The following PTPRQ variants were observed in gnomAD, a reference collection of about 807,000 sequenced individuals.
PTPRQ encodes protein tyrosine phosphatase receptor type Q.
Under a neutral mutation model 246.0 loss-of-function variants are expected in PTPRQ, and 199 were observed. That is an observed-to-expected ratio of 0.81 (90% CI 0.72 to 0.91). The LOEUF (loss-of-function observed/expected upper bound fraction) is 0.91, where lower values mean the gene tolerates loss of function less well. Ranked by LOEUF, PTPRQ falls within the 40% of genes least tolerant of loss-of-function variation. The probability of loss-of-function intolerance (pLI) is 0.00; values close to 1 mark genes in which losing one functional copy is unlikely to be tolerated. For synonymous variants in PTPRQ, 869 were observed against 853.2 expected (o/e 1.02, Z -0.32); for missense variants, 2,624 against 2,528.4 (o/e 1.04, Z -0.81).
At chr12:80,525,326 A>C (rs1297856364) in intron 17 of PTPRQ, among the ~76,000 whole-genome samples, 1 of 152,200 alleles carries the variant, frequency 6.6e-6, no homozygotes, top group Non-Finnish European at 1.5e-5. Context: ...AAAAATGGGA[A>C]TATATTGATA....
chr12:80,521,282 A>C (rs558442407), intron 17 of PTPRQ, among the ~76,000 whole-genome samples: 6 of 151,176 alleles, frequency 4.0e-5, no homozygotes, highest in African/African-American at 1.5e-4. Context: ...AGATGAGTAG[A>C]TTGCAAAAAT....
intron 35 of PTPRQ, among the ~76,000 whole-genome samples, chr12:80,641,026 A>C (rs937566402): frequency 6.6e-6 from 1 of 152,200 alleles, no homozygotes. Flanking sequence ...CATTTTTGCA[A>C]CTGTAGATGG....
At chr12:80,457,539 A>G in intron 3 of PTPRQ, 36 bp from the exon 4 acceptor site, 2 of 400,144 alleles carry the variant, frequency 5.0e-6, no homozygotes. Flanking sequence ...TTCAGGGAGT[A>G]AAATGTTTGA....
chr12:80,657,852 ACTT>A, intron 38 of PTPRQ, 130 bp from the exon 39 acceptor site: 1 of 545,884 alleles, frequency 1.8e-6, no homozygotes, highest in African/African-American at 2.0e-5. Flanking sequence ...AGAAGAAATA[ACTT>A]TTTAAAATTT....
intron 17 of PTPRQ, among the ~76,000 whole-genome samples, chr12:80,513,517 C>A (rs1895186348): frequency 6.6e-6 from 1 of 152,104 alleles, no homozygotes; most frequent in Non-Finnish European, 1.5e-5. Context: ...TTTATAGGCA[C>A]AGGATGGGGG....
intron 35 of PTPRQ, among the ~76,000 whole-genome samples, chr12:80,638,976 C>T (rs1899757990): frequency 6.6e-6 from 1 of 152,168 alleles, no homozygotes; most frequent in South Asian, 2.1e-4. Flanking sequence ...ATCTAATAAA[C>T]ATACAGAACA....
intron 42 of PTPRQ, among the ~76,000 whole-genome samples, chr12:80,671,162 T>A (rs1336724064): frequency 6.6e-6 from 1 of 152,088 alleles, no homozygotes; most frequent in Non-Finnish European, 1.5e-5. Context: ...CATAAATTTC[T>A]GGATTTTTAA....
At chr12:80,489,187 T>C (rs1287373820) in intron 9 of PTPRQ, among the ~76,000 whole-genome samples, 4 of 152,048 alleles carry the variant, frequency 2.6e-5, no homozygotes, top group Non-Finnish European at 4.4e-5. Flanking sequence ...TGAACTGAAA[T>C]ACCTGTCTTT....
In PTPRQ at chr12:80,642,877, G is replaced by A. The variant is rs900221325; in HGVS notation, c.5916-6020G>A. Among the ~76,000 whole-genome samples the A allele has an allele frequency of 2.7e-4, 34 of 125,338 alleles. 1 individual carries two copies. The Admixed American group carries it at 3.1e-3, about 11-fold the overall frequency. 82.2% of individuals were successfully genotyped at this position (125,338 alleles called of 152,430 possible). On this transcript the variant is annotated intron_variant, in intron 35 of 44. Coordinates refer to ENST00000644991, the MANE Select transcript of PTPRQ (RefSeq NM_001145026.2). ...GGAGCTTGCAGTGAGCCGAGATCCC[G>A]CCACTGCACTCCAGCCTGGGCGACA...
At chr12:80,508,671 T>TGGCACA (rs1895037556) in intron 16 of PTPRQ, among the ~76,000 whole-genome samples, 1 of 152,106 alleles carries the variant, frequency 6.6e-6, no homozygotes, top group Non-Finnish European at 1.5e-5. Flanking sequence ...TAGATTGTAT[T>TGGCACA]TTAGAATACA....
At chr12:80,552,645 TTATATATATATATATATATATATATA>T (rs71094985) in intron 25 of PTPRQ, among the ~76,000 whole-genome samples, 37 of 76,474 alleles carry the variant, frequency 4.8e-4, no homozygotes, top group East Asian at 1.7e-3. Flanking sequence ...AAAAAAAAAA[TTATATATATATATATATATATATATA>T]TATATATATA....
At chr12:80,449,433 G>T (rs977710485) in intron 3 of PTPRQ, among the ~76,000 whole-genome samples, 4 of 152,178 alleles carry the variant, frequency 2.6e-5, no homozygotes, top group African/African-American at 9.6e-5. Context: ...TGGTGTTTTA[G>T]ATGTGAAGTC....
At chr12:80,630,501 G>A (rs993012256) in intron 33 of PTPRQ, among the ~76,000 whole-genome samples, 6 of 151,994 alleles carry the variant, frequency 3.9e-5, no homozygotes, top group African/African-American at 1.5e-4. Context: ...ATTGTTACAC[G>A]TGATGCTAAA....
rs1901234735 is a variant in PTPRQ, at chr12:80,678,997, C to T, written c.6874C>T (p.Leu2292Phe). Residue 2292 changes from leucine to phenylalanine, a missense_variant, in exon 45 of 45, where the codon CTT (leucine) becomes TTT (phenylalanine). Transcript: ENST00000644991. ...SLDAMEGDVE[L>F]EWEETTM ...ACTTTCTGTTATAGGTGATGTTGAG[C>T]TTGAATGGGAAGAAACCACTATGTA... 1 of 1,546,992 alleles carries T rather than the reference C, an allele frequency of 6.5e-7. No individual in the cohort carries two copies. Among genetic ancestry groups the T allele is most frequent in the East Asian group, 2.5e-5 (1 of 40,724 alleles).
At chr12:80,563,066 A>G (rs534781568) in intron 25 of PTPRQ, among the ~76,000 whole-genome samples, 3 of 152,296 alleles carry the variant, frequency 2.0e-5, no homozygotes, top group East Asian at 3.9e-4. Flanking sequence ...GGTAATTTGA[A>G]TATTTTGAAC....
intron 19 of PTPRQ, among the ~76,000 whole-genome samples, chr12:80,539,249 C>T (rs1202138039): frequency 6.6e-6 from 1 of 151,994 alleles, no homozygotes; most frequent in East Asian, 1.9e-4. Context: ...TTTGCTACAA[C>T]TGTGAGAAGT....
At chr12:80,516,016 T>C (rs1364387575) in intron 17 of PTPRQ, among the ~76,000 whole-genome samples, 1 of 151,676 alleles carries the variant, frequency 6.6e-6, no homozygotes, top group Non-Finnish European at 1.5e-5. Flanking sequence ...GATGGTAAAC[T>C]AGCATTTCCC....
intron 18 of PTPRQ, 85 bp downstream of exon 18, chr12:80,534,260 A>C: frequency 7.6e-7 from 1 of 1,314,820 alleles, no homozygotes; most frequent in Non-Finnish European, 1.0e-6. Flanking sequence ...CAAATATCAA[A>C]ATGTATGATG....
chr12:80,484,037 G>A (rs1894183648), intron 8 of PTPRQ, among the ~76,000 whole-genome samples: 1 of 150,840 alleles, frequency 6.6e-6, no homozygotes, highest in African/African-American at 2.4e-5. Flanking sequence ...ATGGAGTCTT[G>A]CTCTTTCTTC....
Sources: gnomAD v4.1 joint callset for allele counts (sites outside exome capture counted in the v4.1 genomes callset) on GRCh38, gnomAD v4.1.1 for gene constraint, MANE v1.5 for transcripts, NCBI Gene and HGNC (gene_info 2026-07-23, HGNC 2026-07-21) for gene names.